PTPRM: variants seen among roughly 807,000 people sequenced by gnomAD.
PTPRM encodes the protein receptor-type tyrosine-protein phosphatase mu.
Under a neutral mutation model 186.7 loss-of-function variants are expected in PTPRM, and 47 were observed. The observed-to-expected ratio is 0.25, with a 90% CI of 0.20 to 0.32. The LOEUF (loss-of-function observed/expected upper bound fraction) is 0.32, where lower values mean the gene tolerates loss of function less well. Among genes scored for constraint, PTPRM ranks in the 10% least tolerant of loss-of-function variants. The pLI is 1.00. For missense variants in PTPRM, 1,494 were observed against 1,865.0 expected (o/e 0.80, Z 3.66); for synonymous variants, 668 against 674.9 (o/e 0.99, Z 0.16).
intron 2 of PTPRM, among the ~76,000 whole-genome samples, chr18:7,884,951 A>AAAAAAAAAAAAAG (rs1555632235): frequency 6.8e-6 from 1 of 146,202 alleles, no homozygotes; most frequent in Non-Finnish European, 1.5e-5. Context: ...AAAAAAAAAA[A>AAAAAAAAAAAAAG]GGAGAGAGAG....
intron 19 of PTPRM, among the ~76,000 whole-genome samples, chr18:8,293,442 A>G (rs2095062248): frequency 6.6e-6 from 1 of 152,086 alleles, no homozygotes. Context: ...GGCTCAGGGA[A>G]TCTAGGGGCA....
chr18:7,898,689 T>G (rs2049499829), intron 3 of PTPRM, among the ~76,000 whole-genome samples: 1 of 152,156 alleles, frequency 6.6e-6, no homozygotes, highest in Non-Finnish European at 1.5e-5. Flanking sequence ...TGCTATTAGT[T>G]GAGATTGAAT....
At chr18:7,635,426 T>C (rs189534212) in intron 1 of PTPRM, among the ~76,000 whole-genome samples, 1 of 152,212 alleles carries the variant, frequency 6.6e-6, no homozygotes, top group South Asian at 2.1e-4. Flanking sequence ...ATGTGCTTAA[T>C]AGGTAGTTAG....
intron 31 of PTPRM, among the ~76,000 whole-genome samples, chr18:8,391,183 A>G (rs1307110224): frequency 6.6e-6 from 1 of 152,186 alleles, no homozygotes; most frequent in Non-Finnish European, 1.5e-5. Context: ...TAAATACTGT[A>G]CAACCATTTG....
chr18:8,219,886 A>G (rs529815507), intron 14 of PTPRM, among the ~76,000 whole-genome samples: 144 of 152,294 alleles, frequency 9.5e-4, no homozygotes, highest in African/African-American at 3.2e-3. Context: ...ATAATTTGAT[A>G]TATCATTACC....
At position 8,324,122 on chromosome 18, in the gene PTPRM, TA is replaced by T. The variant is rs1394786535; in HGVS notation, c.2956+4914del. 3.9e-5 allele frequency among the ~76,000 whole-genome samples: 6 copies of T among 152,174 alleles called. No individual in the cohort carries two copies. In the East Asian group the frequency reaches 7.7e-4, roughly 20 times the overall value. ...GTGCAGAACATGCAGTTCTACTTTTTAAAAAACCATACTTAGGGGTTAACAA... is the reference window on the plus strand; with the variant it reads ...GTGCAGAACATGCAGTTCTACTTTTTAAAAACCATACTTAGGGGTTAACAA... On this transcript the variant is annotated intron_variant, in intron 22 of 32. Transcript: ENST00000580170.
chr18:8,036,737 C>A (rs143778950), intron 7 of PTPRM, among the ~76,000 whole-genome samples: 1 of 152,184 alleles, frequency 6.6e-6, no homozygotes, highest in Non-Finnish European at 1.5e-5. Flanking sequence ...ACCATTTCCT[C>A]CCCTGTTACC....
At chr18:7,704,285 G>A (rs2040028417) in intron 1 of PTPRM, among the ~76,000 whole-genome samples, 1 of 152,178 alleles carries the variant, frequency 6.6e-6, no homozygotes. Flanking sequence ...GAATTCAACT[G>A]TGAATCCATC....
chr18:7,685,916 T>C (rs977610127), intron 1 of PTPRM, among the ~76,000 whole-genome samples: 11 of 152,070 alleles, frequency 7.2e-5, no homozygotes, highest in African/African-American at 2.7e-4. Flanking sequence ...AGCAATAAAA[T>C]TGGACTGCAG....
rs2095760119 is a variant in PTPRM at position 8,384,645 on chromosome 18, G to A, written c.4003G>A (p.Asp1335Asn). 1 of 1,613,988 alleles carries A rather than the reference G, an allele frequency of 6.2e-7. No homozygotes were observed. The highest frequency in any genetic ancestry group is 1.3e-5 in the African/African-American group (1 of 74,890). ...ATTTGTCTCTGCTGACCTGGAAGAG[G>A]ACATCATCAGCAGGATATTCCGCAT... ...VEFVSADLEE[D>N]IISRIFRIYN... Residue 1335 changes from aspartate to asparagine, a missense_variant, in exon 30 of 33, where the codon GAC becomes AAC. Coordinates refer to ENST00000580170, the MANE Select transcript of PTPRM (RefSeq NM_001105244.2).
chr18:8,026,071 A>G (rs2085553368), intron 7 of PTPRM, among the ~76,000 whole-genome samples: 1 of 152,232 alleles, frequency 6.6e-6, no homozygotes, highest in South Asian at 2.1e-4. Flanking sequence ...TTTCCCACCT[A>G]CTCAAAACTC....
intron 1 of PTPRM, among the ~76,000 whole-genome samples, chr18:7,735,981 A>G (rs180861485): frequency 8.6e-5 from 13 of 151,588 alleles, no homozygotes; most frequent in Middle Eastern, 3.4e-3. Flanking sequence ...CAAAATATGT[A>G]GTATTGATTG....
At chr18:8,345,687 TAC>T (rs1485746318) in intron 23 of PTPRM, among the ~76,000 whole-genome samples, 2 of 151,200 alleles carry the variant, frequency 1.3e-5, no homozygotes, top group South Asian at 2.1e-4. Context: ...ATAAATTATA[TAC>T]ATTTTATAAA....
intron 7 of PTPRM, among the ~76,000 whole-genome samples, chr18:8,018,383 G>A (rs2085005719): frequency 6.6e-6 from 1 of 152,206 alleles, no homozygotes; most frequent in African/African-American, 2.4e-5. Context: ...AAGCAGCATG[G>A]TGAACCCAGT....
At chr18:8,299,227 G>C (rs2095129471) in intron 20 of PTPRM, among the ~76,000 whole-genome samples, 1 of 152,152 alleles carries the variant, frequency 6.6e-6, no homozygotes, top group Non-Finnish European at 1.5e-5. Context: ...GCTCGTCACA[G>C]CTGGACAGAG....
chr18:8,226,824 T>C (rs984584667), intron 14 of PTPRM, among the ~76,000 whole-genome samples: 7 of 152,196 alleles, frequency 4.6e-5, no homozygotes, highest in Non-Finnish European at 1.0e-4. Context: ...TGTGTTCCTT[T>C]CTGGGACTCT....
chr18:7,674,337 C>T (rs1370629011), intron 1 of PTPRM, among the ~76,000 whole-genome samples: 1 of 152,164 alleles, frequency 6.6e-6, no homozygotes, highest in Non-Finnish European at 1.5e-5. Flanking sequence ...TGGGTTTCCT[C>T]TTCCACTGTA....
intron 14 of PTPRM, among the ~76,000 whole-genome samples, chr18:8,161,414 A>G (rs368653600): frequency 6.6e-6 from 1 of 152,102 alleles, no homozygotes; most frequent in Non-Finnish European, 1.5e-5. Context: ...TGACCTGTGT[A>G]TGGATGAGCT....
At chr18:7,738,931 T>A (rs1028840563) in intron 1 of PTPRM, among the ~76,000 whole-genome samples, 2 of 152,184 alleles carry the variant, frequency 1.3e-5, no homozygotes, top group African/African-American at 4.8e-5. Flanking sequence ...TGGATCAGAC[T>A]GGCAGCACAC....
Sources: allele counts gnomAD v4.1 joint callset (sites outside exome capture counted in the v4.1 genomes callset), GRCh38; gene constraint gnomAD v4.1.1; transcripts MANE v1.5; gene names NCBI Gene and HGNC (gene_info 2026-07-23, HGNC 2026-07-21).